POLE4: variants seen among roughly 807,000 people sequenced by gnomAD.
POLE4 encodes DNA polymerase epsilon subunit 4.
Under a neutral mutation model 15.6 loss-of-function variants are expected in POLE4, and 15 were observed. The ratio of observed to expected loss-of-function variants is 0.96; its 90% CI spans 0.64 to 1.48. The LOEUF is 1.48. Ranked by LOEUF, POLE4 falls within the 40% of genes most tolerant of loss-of-function variation. POLE4 has a pLI of 0.00. For synonymous variants in POLE4, 83 were observed against 63.2 expected (o/e 1.31, Z -1.49); for missense variants, 205 against 151.9 (o/e 1.35, Z -1.84).
At chr2:74,964,188 C>A (rs1261245607) in intron 3 of POLE4, among the ~76,000 whole-genome samples, 5 of 152,172 alleles carry the variant, frequency 3.3e-5, no homozygotes, top group African/African-American at 1.2e-4. Context: ...TTCCATTGAT[C>A]TATTTGTATC....
chr2:74,959,660 C>T, intron 2 of POLE4: 1 of 466,782 alleles, frequency 2.1e-6, no homozygotes. Context: ...TCCCTTCATA[C>T]CTTCTGCCAA....
chr2:74,958,707 G>C lies in POLE4; in HGVS notation c.28G>C (p.Gly10Arg). 6.8e-7 allele frequency: 1 copy of C among 1,480,912 alleles called. No individual in the cohort carries two copies. The highest frequency in any genetic ancestry group is 8.9e-7 in the Non-Finnish European group (1 of 1,120,530). The allele number at this position is 1,480,912 out of a possible 1,614,324, so 91.7% of individuals were successfully genotyped here. ...GGCGGCGGCGGCGGCGGCAGGAAGC[G>C]GGACGCCCCGAGAGGAGGAGGGACC... Reference protein sequence around the residue: MAAAAAAGSGTPREEEGPAG... With the variant: MAAAAAAGSRTPREEEGPAG... The change falls in exon 1 of 4, where the codon GGG becomes CGG. Residue 10 changes from glycine (G) to arginine (R), a missense_variant. Physicochemically the swap from Gly to Arg is moderately radical, Grantham distance 125. Transcript: ENST00000483063.
chr2:74,964,211 A>T (rs1671266036), intron 3 of POLE4, among the ~76,000 whole-genome samples: 1 of 151,988 alleles, frequency 6.6e-6, no homozygotes, highest in African/African-American at 2.4e-5. Context: ...TTTTCCATTG[A>T]TGGGTATTCT....
chr2:74,959,277 C>A, intron 1 of POLE4, 64 bp from the exon 2 acceptor site: 1 of 1,046,938 alleles, frequency 9.6e-7, no homozygotes, highest in Non-Finnish European at 1.5e-6. Context: ...ACCCACAAAC[C>A]GGAGCCCTCA....
chr2:74,965,443 G>A (rs1342022781), intron 3 of POLE4, among the ~76,000 whole-genome samples: 2 of 152,034 alleles, frequency 1.3e-5, no homozygotes, highest in Admixed American at 6.6e-5. Flanking sequence ...TTGAAAGATT[G>A]GAATTATTTT....
At chr2:74,967,174 C>T (rs893396905) in intron 3 of POLE4, among the ~76,000 whole-genome samples, 1 of 152,118 alleles carries the variant, frequency 6.6e-6, no homozygotes, top group African/African-American at 2.4e-5. Flanking sequence ...CTGCCTTGTT[C>T]TTTCCTGTGT....
chr2:74,967,479 G>A (rs1671313297), intron 3 of POLE4, among the ~76,000 whole-genome samples: 2 of 151,798 alleles, frequency 1.3e-5, no homozygotes, highest in East Asian at 1.9e-4. Flanking sequence ...GTATTTTGAA[G>A]TTTGTCTTTT....
chr2:74,958,956 G>C (rs942408698), intron 1 of POLE4, 64 bp downstream of exon 1: 16 of 1,439,630 alleles, frequency 1.1e-5, no homozygotes, highest in Admixed American at 2.1e-5. Flanking sequence ...GGGCCTCGGG[G>C]CCTCCCGCGG....
At chr2:74,960,396 G>A (rs1025370454) in intron 3 of POLE4, among the ~76,000 whole-genome samples, 3 of 152,186 alleles carry the variant, frequency 2.0e-5, no homozygotes, top group African/African-American at 7.2e-5. Flanking sequence ...TCCCAGTGGA[G>A]TTAGATGAAT....
chr2:74,962,914 G>A (rs547321291), intron 3 of POLE4, among the ~76,000 whole-genome samples: 1 of 152,244 alleles, frequency 6.6e-6, no homozygotes, highest in African/African-American at 2.4e-5. Context: ...GTATGCATTC[G>A]TTGGCCAACA....
chr2:74,960,448 C>G (rs1256529453), intron 3 of POLE4: 1 of 469,544 alleles, frequency 2.1e-6, no homozygotes, highest in African/African-American at 2.0e-5. Flanking sequence ...CCCTAAATGT[C>G]AGGCTTGCCC....
intron 2 of POLE4, 70 bp from the exon 3 acceptor site, chr2:74,960,035 A>G: frequency 7.6e-7 from 1 of 1,323,510 alleles, no homozygotes; most frequent in Non-Finnish European, 1.1e-6. Flanking sequence ...TTCACTGCAG[A>G]TTGTGCTGTT....
At chr2:74,966,403 C>T (rs1394669385) in intron 3 of POLE4, among the ~76,000 whole-genome samples, 2 of 151,970 alleles carry the variant, frequency 1.3e-5, no homozygotes, top group African/African-American at 4.8e-5. Context: ...TCTTTCCTTT[C>T]TGGATTATTA....
At chr2:74,961,830 G>C (rs912605713) in intron 3 of POLE4, among the ~76,000 whole-genome samples, 1 of 152,166 alleles carries the variant, frequency 6.6e-6, no homozygotes, top group Non-Finnish European at 1.5e-5. Flanking sequence ...CATAGCCCCT[G>C]TGGATTCAGT....
intron 3 of POLE4, chr2:74,960,730 C>T (rs988954652): frequency 1.2e-5 from 5 of 402,254 alleles, no homozygotes; most frequent in African/African-American, 6.2e-5. Context: ...CTTCACTACA[C>T]GTATGTAGTC....
intron 3 of POLE4, chr2:74,960,356 A>C (rs112136537): frequency 8.5e-6 from 5 of 589,558 alleles, no homozygotes; most frequent in Non-Finnish European, 1.5e-5. Flanking sequence ...AAAATTGCTA[A>C]CCATAAAGAA....
At chr2:74,960,561 A>G (rs754915425) in intron 3 of POLE4, 17 of 501,100 alleles carry the variant, frequency 3.4e-5, no homozygotes, top group Middle Eastern at 3.2e-4. Context: ...TTTTGCTGCA[A>G]TAAGACTTGT....
Position 74,958,694 on chromosome 2 carries a change from G to A in POLE4, c.15G>A (p.Ala5=), listed in dbSNP as rs1210572876. 12 of 1,470,332 alleles carry A rather than the reference G, an allele frequency of 8.2e-6. No homozygotes were observed. In the East Asian group the frequency reaches 2.0e-4, roughly 25 times the overall value. The allele number at this position is 1,470,332 out of a possible 1,614,324, so 91.1% of individuals were successfully genotyped here. A position where few individuals can be genotyped will look rare whatever the true frequency, so the allele number is the denominator to read the frequency against. MAAA[A]AAGSGTPREE... ...TCAAGGCCGGGATGGCGGCGGCGGC[G>A]GCGGCAGGAAGCGGGACGCCCCGAG... The change falls in exon 1 of 4, where the codon GCG becomes GCA. Residue 5 remains alanine (A), a synonymous_variant. Coordinates refer to ENST00000483063, the MANE Select transcript of POLE4 (RefSeq NM_019896.4).
At chr2:74,960,263 C>T in intron 3 of POLE4, 117 bp downstream of exon 3, 1 of 873,620 alleles carries the variant, frequency 1.1e-6, no homozygotes, top group Admixed American at 1.9e-5. Context: ...ATTCTCCGCA[C>T]TTGCTATTAG....
Sources: allele counts gnomAD v4.1 joint callset (sites outside exome capture counted in the v4.1 genomes callset), GRCh38; gene constraint gnomAD v4.1.1; transcripts MANE v1.5; gene names NCBI Gene and HGNC (gene_info 2026-07-23, HGNC 2026-07-21).